Variants in MAP4K4 observed in about 807,000 individuals in gnomAD.
The protein encoded by MAP4K4 is mitogen-activated protein kinase kinase kinase kinase 4.
A neutral mutation model predicts 189.6 loss-of-function variants in MAP4K4; 38 were observed. The observed-to-expected ratio is 0.20, with a 90% CI of 0.15 to 0.26. MAP4K4 has a LOEUF of 0.26. Among genes scored for constraint, MAP4K4 ranks in the 10% least tolerant of loss-of-function variants. MAP4K4 has a pLI of 1.00. For synonymous variants in MAP4K4, 610 were observed against 624.3 expected, an observed-to-expected ratio of 0.98 and a Z score of 0.34; for missense variants, 1,054 against 1,726.9, an observed-to-expected ratio of 0.61 and a Z score of 6.91.
intron 9 of MAP4K4, among the ~76,000 whole-genome samples, chr2:101,837,367 C>G (rs1432810287): frequency 6.6e-6 from 1 of 152,150 alleles, no homozygotes; most frequent in South Asian, 2.1e-4. Flanking sequence ...GCTCACTGTC[C>G]TTGCCCCCAA....
At chr2:101,785,724 CT>C (rs2090589850) in intron 2 of MAP4K4, among the ~76,000 whole-genome samples, 9 of 7,690 alleles carry the variant, frequency 1.2e-3, no homozygotes, top group African/African-American at 1.8e-3. Context: ...CTCTCTCTCT[CT>C]CTCTCTCTCT....
chr2:101,750,403 C>T (rs1463033678), intron 2 of MAP4K4, among the ~76,000 whole-genome samples: 2 of 144,218 alleles, frequency 1.4e-5, no homozygotes, highest in Non-Finnish European at 3.0e-5. Context: ...AGTAAACTAT[C>T]GCAAGAACAA....
chr2:101,725,700 T>A (rs1005725947), intron 2 of MAP4K4, among the ~76,000 whole-genome samples: 3 of 152,176 alleles, frequency 2.0e-5, no homozygotes, highest in African/African-American at 7.2e-5. Flanking sequence ...TCTCACACAG[T>A]GCCCTGTGCC....
chr2:101,816,910 T>TC (rs1304556074), intron 3 of MAP4K4, among the ~76,000 whole-genome samples: 1 of 151,930 alleles, frequency 6.6e-6, no homozygotes, highest in Admixed American at 6.6e-5. Context: ...GAGAGGACCC[T>TC]CAGTCCAAGG....
At chr2:101,799,852 C>A (rs896420612) in intron 3 of MAP4K4, among the ~76,000 whole-genome samples, 5 of 152,166 alleles carry the variant, frequency 3.3e-5, no homozygotes, top group African/African-American at 9.6e-5. Flanking sequence ...GTCTTCCTGC[C>A]TTGGCCATCC....
At chr2:101,733,814 C>G (rs575650883) in intron 2 of MAP4K4, among the ~76,000 whole-genome samples, 1 of 152,176 alleles carries the variant, frequency 6.6e-6, no homozygotes, top group African/African-American at 2.4e-5. Context: ...TGTCAGGTCC[C>G]GTTACAGGAA....
chr2:101,743,762 A>G (rs964902366), intron 2 of MAP4K4, among the ~76,000 whole-genome samples: 1 of 152,010 alleles, frequency 6.6e-6, no homozygotes, highest in African/African-American at 2.4e-5. Context: ...GGTTCAAGCA[A>G]TTCTCCTGCC....
intron 3 of MAP4K4, among the ~76,000 whole-genome samples, chr2:101,817,832 C>A (rs950943235): frequency 1.2e-4 from 18 of 151,992 alleles, no homozygotes; most frequent in Admixed American, 5.9e-4. Flanking sequence ...TTTTATTGAG[C>A]AGGCTGTTGT....
At chr2:101,706,471 C>T (rs1362020417) in intron 2 of MAP4K4, among the ~76,000 whole-genome samples, 1 of 152,202 alleles carries the variant, frequency 6.6e-6, no homozygotes, top group African/African-American at 2.4e-5. Context: ...CCTGCCCCCA[C>T]ATCGCTTTTA....
At chr2:101,776,843 C>T (rs1029034941) in intron 2 of MAP4K4, among the ~76,000 whole-genome samples, 4 of 152,012 alleles carry the variant, frequency 2.6e-5, no homozygotes, top group Admixed American at 6.6e-5. Context: ...AATTGAATTT[C>T]GCAATCTCAT....
At chr2:101,868,093 GC>G in intron 21 of MAP4K4, 56 bp downstream of exon 21, 1 of 1,596,926 alleles carries the variant, frequency 6.3e-7, no homozygotes, top group Non-Finnish European at 8.5e-7. Context: ...CCGCCTGTCA[GC>G]TCAGCTTGTA....
At chr2:101,868,682 C>T (rs187671584) in intron 21 of MAP4K4, among the ~76,000 whole-genome samples, 5 of 152,328 alleles carry the variant, frequency 3.3e-5, no homozygotes, top group East Asian at 3.9e-4. Flanking sequence ...GCGTTAGGGA[C>T]GCCCACAGCC....
At chr2:101,702,423 G>A (rs1189941152) in intron 2 of MAP4K4, among the ~76,000 whole-genome samples, 1 of 152,020 alleles carries the variant, frequency 6.6e-6, no homozygotes, top group Non-Finnish European at 1.5e-5. Context: ...CGAAAAATTA[G>A]CCGGGTGTAG....
chr2:101,799,070 A>G (rs907362880), intron 3 of MAP4K4, among the ~76,000 whole-genome samples: 8 of 152,198 alleles, frequency 5.3e-5, no homozygotes, highest in African/African-American at 1.9e-4. Flanking sequence ...CCAGGAACAT[A>G]AATTTGAGGC....
At chr2:101,766,653 A>G (rs1373964323) in intron 2 of MAP4K4, among the ~76,000 whole-genome samples, 2 of 151,214 alleles carry the variant, frequency 1.3e-5, no homozygotes, top group Non-Finnish European at 2.9e-5. Flanking sequence ...AACAAAAGTT[A>G]AACACTGGAT....
chr2:101,703,393 G>A (rs1278453057), intron 2 of MAP4K4, among the ~76,000 whole-genome samples: 2 of 151,972 alleles, frequency 1.3e-5, no homozygotes, highest in African/African-American at 2.4e-5. Flanking sequence ...TGAGACGGGC[G>A]GATCACCTGA....
In MAP4K4 at chr2:101,700,957, A is replaced by G. The variant is rs144365812; in HGVS notation, c.123+2419A>G. ...GAGTTAATTTAGGATTTTTGTTGGT[A>G]TGATTTGCTTGTGGTAGATTTGGGA... On this transcript the variant is annotated intron_variant, in intron 2 of 32. Coordinates refer to ENST00000324219, the Ensembl canonical transcript of MAP4K4. Among the ~76,000 whole-genome samples the G allele has an allele frequency of 9.8e-4, 149 of 152,210 alleles. 1 individual carries two copies. The highest frequency in any genetic ancestry group is 1.6e-3 in the Non-Finnish European group (106 of 68,004).
intron 2 of MAP4K4, among the ~76,000 whole-genome samples, chr2:101,780,424 G>A (rs1301005183): frequency 6.6e-6 from 1 of 152,236 alleles, no homozygotes; most frequent in African/African-American, 2.4e-5. Flanking sequence ...GTACTGTGAA[G>A]TCACATGGGA....
intron 3 of MAP4K4, among the ~76,000 whole-genome samples, chr2:101,822,699 G>T (rs1472490972): frequency 6.6e-6 from 1 of 152,064 alleles, no homozygotes; most frequent in Non-Finnish European, 1.5e-5. Flanking sequence ...TCCAAGTTGT[G>T]TGTGTGAGTA....
Sources: gnomAD v4.1 joint callset for allele counts (sites outside exome capture counted in the v4.1 genomes callset) on GRCh38, gnomAD v4.1.1 for gene constraint, MANE v1.5 for transcripts, NCBI Gene and HGNC (gene_info 2026-07-23, HGNC 2026-07-21) for gene names.